The following QSOX2 variants were observed in gnomAD, a reference collection of about 807,000 sequenced individuals.
The protein encoded by QSOX2 is quiescin sulfhydryl oxidase 2, also known as sulfhydryl oxidase 2.
In QSOX2, 46 loss-of-function variants were observed where a neutral mutation model predicts 61.7. The ratio of observed to expected loss-of-function variants is 0.75; its 90% confidence interval spans 0.59 to 0.95. The LOEUF is 0.95. Ranked by LOEUF, QSOX2 falls within the 40% of genes least tolerant of loss-of-function variation. QSOX2 has a pLI of 0.00. For synonymous variants in QSOX2, 383 were observed against 388.4 expected, an observed-to-expected ratio of 0.99 and a Z score of 0.16; for missense variants, 879 against 918.9, an observed-to-expected ratio of 0.96 and a Z score of 0.56.
chr9:136,212,019 G>T (rs1013883307), intron 10 of QSOX2, among the ~76,000 whole-genome samples: 1 of 152,250 alleles, frequency 6.6e-6, no homozygotes, highest in East Asian at 1.9e-4. Context: ...AGCCACGGGC[G>T]TGAGGATGTG....
chr9:136,224,726 G>T, intron 3 of QSOX2, 135 bp downstream of exon 3: 2 of 541,608 alleles, frequency 3.7e-6, no homozygotes, highest in Non-Finnish European at 3.3e-6. Context: ...ACTCTTAAGG[G>T]AAAGCAGGCA....
chr9:136,208,906 C>T lies in QSOX2; in HGVS notation c.1919G>A (p.Gly640Glu), dbSNP rs982666194. The change falls in exon 12 of 12, where the codon GGG becomes GAG. Residue 640 changes from glycine to glutamate, a missense_variant. Transcript: ENST00000358701. ...GGCCCCGCCCACCTCCTTGTGGGCC[C>T]CGGGCCCATCCAGACTCTGGAGTTT... ...DGKLQSLDGP[G>E]AHKEVGGAAP... The T allele has an allele frequency of 6.2e-7, 1 of 1,613,962 alleles. No individual in the cohort carries two copies. The highest frequency in any genetic ancestry group is 1.7e-5 in the Admixed American group (1 of 60,028).
In QSOX2 at chr9:136,223,467, G is replaced by A. The variant is rs1237429029; in HGVS notation, c.675+296C>T. On this transcript the variant is annotated intron_variant, in intron 5 of 11. Coordinates refer to ENST00000358701, the MANE Select transcript of QSOX2 (RefSeq NM_181701.4). The surrounding 1 kb of genome is among the most constrained non-coding windows in gnomAD (Gnocchi z 4.4). ...TACAGAATGACCTCAAGGTGAGCTG[G>A]GCGTGTCATAAAAATGAGATCTTCT... is the stretch of plus-strand genomic sequence containing the variant. 1.3e-5 allele frequency among the ~76,000 whole-genome samples: 2 copies of A among 152,102 alleles called. No individual in the cohort carries two copies. The highest frequency in any genetic ancestry group is 2.9e-5 in the Non-Finnish European group (2 of 68,024).
At chr9:136,216,108 G>A (rs908661815) in intron 9 of QSOX2, among the ~76,000 whole-genome samples, 4 of 152,214 alleles carry the variant, frequency 2.6e-5, no homozygotes, top group Admixed American at 1.3e-4. Flanking sequence ...TTTACTGCCC[G>A]CGAGTAAACA....
chr9:136,212,221 A>G (rs901566346), intron 10 of QSOX2, among the ~76,000 whole-genome samples: 1 of 152,238 alleles, frequency 6.6e-6, no homozygotes, highest in Admixed American at 6.5e-5. Context: ...AACCCCTGAG[A>G]AAACCAAGGG....
In QSOX2 at chr9:136,223,915, C is replaced by T; in HGVS notation, c.585-62G>A. The T allele has an allele frequency of 6.4e-7, 1 of 1,557,002 alleles. No homozygotes were observed. The highest frequency in any genetic ancestry group is 8.9e-7 in the Non-Finnish European group (1 of 1,128,876). ...AACAGCAGCGAGTTGGCCACCACAT[C>T]CCAGTGGCCACATCACTTAATAGAA... is the stretch of plus-strand genomic sequence containing the variant. On this transcript the variant is annotated intron_variant, in intron 4 of 11. Transcript: ENST00000358701. The surrounding 1 kb of genome is among the most constrained non-coding windows in gnomAD (Gnocchi z 4.4).
At chr9:136,231,081 T>G (rs1830324891) in intron 1 of QSOX2, among the ~76,000 whole-genome samples, 1 of 152,238 alleles carries the variant, frequency 6.6e-6, no homozygotes, top group Non-Finnish European at 1.5e-5. Flanking sequence ...CCCTTTACAG[T>G]TGACAAAGCT....
Position 136,209,975 on chromosome 9 carries a change from C to T in QSOX2, c.1550-700G>A. On this transcript the variant is annotated intron_variant, in intron 11 of 11. Coordinates refer to ENST00000358701, the MANE Select transcript of QSOX2 (RefSeq NM_181701.4). The surrounding 1 kb of genome is among the most constrained non-coding windows in gnomAD (Gnocchi z 5.6). ...GCCCCTGCGACCCGACTTGCTGACACCTGGCCACCCTCACAGAGCTTCCAG... is the reference window on the plus strand; with the variant it reads ...GCCCCTGCGACCCGACTTGCTGACATCTGGCCACCCTCACAGAGCTTCCAG... 8 of 985,434 alleles carry T rather than the reference C, an allele frequency of 8.1e-6. No homozygotes were observed. The highest frequency in any genetic ancestry group is 9.6e-6 in the Non-Finnish European group (8 of 829,924). 61.0% of individuals were successfully genotyped at this position (985,434 alleles called of 1,614,324 possible). A position where few individuals can be genotyped will look rare whatever the true frequency, so the allele number is the denominator to read the frequency against.
chr9:136,235,261 G>C (rs982332984), intron 1 of QSOX2, among the ~76,000 whole-genome samples: 2 of 152,264 alleles, frequency 1.3e-5, no homozygotes, highest in African/African-American at 4.8e-5. Flanking sequence ...CCCCGGAGGA[G>C]GGCCAGGACC....
chr9:136,228,694 C>A (rs1471227995), intron 1 of QSOX2, among the ~76,000 whole-genome samples: 1 of 152,216 alleles, frequency 6.6e-6, no homozygotes, highest in East Asian at 1.9e-4. Flanking sequence ...AATGGACCTG[C>A]CTGGAGGAAT....
In QSOX2 at chr9:136,221,074, C is replaced by T. The variant is rs1831975108; in HGVS notation, c.821+722G>A. Among the ~76,000 whole-genome samples the T allele has an allele frequency of 6.7e-6, 1 of 149,664 alleles. No homozygotes were observed. Among genetic ancestry groups the T allele is most frequent in the Admixed American group, 6.7e-5 (1 of 15,014 alleles). On this transcript the variant is annotated intron_variant, in intron 6 of 11. Coordinates refer to ENST00000358701, the MANE Select transcript of QSOX2 (RefSeq NM_181701.4). This position sits in a 1 kb window ranked among gnomAD's most constrained non-coding sequence, Gnocchi z 4.5. ...CACGCAGAGGCAAAGGGCTTATCCT[C>T]ATGAGGGGCACACAGGCACTCCACA...
chr9:136,230,813 G>A (rs922639260), intron 1 of QSOX2, among the ~76,000 whole-genome samples: 2 of 152,112 alleles, frequency 1.3e-5, no homozygotes, highest in Non-Finnish European at 2.9e-5. Flanking sequence ...GCACTGCTCC[G>A]CTCACTTGTC....
rs943840318 is a variant in QSOX2 at position 136,207,763 on chromosome 9, A to C, written c.*965T>G. 6.6e-6 allele frequency: 1 copy of C among 152,220 alleles called. No individual in the cohort carries two copies. The highest frequency in any genetic ancestry group is 1.5e-5 in the Non-Finnish European group (1 of 68,086). 9.4% of individuals were successfully genotyped at this position (152,220 alleles called of 1,614,324 possible). A position where few individuals can be genotyped will look rare whatever the true frequency, so the allele number is the denominator to read the frequency against. ...AGCAGACGACAGGGGGGGCTTTAGA[A>C]GTCTCCCTGGGGCCTACGCTCCCAA... is the stretch of plus-strand genomic sequence containing the variant. On this transcript the variant is annotated 3_prime_UTR_variant, in exon 12 of 12. Transcript: ENST00000358701.
chr9:136,226,144 A>T (rs576665036), intron 2 of QSOX2, among the ~76,000 whole-genome samples: 3 of 152,366 alleles, frequency 2.0e-5, no homozygotes, highest in African/African-American at 7.2e-5. Flanking sequence ...AGTTTTACTC[A>T]AATTGACAAA....
In QSOX2 at chr9:136,211,587, G is replaced by A. The variant is rs577265586; in HGVS notation, c.1361-135C>T. 5.8e-5 allele frequency: 47 copies of A among 812,070 alleles called. 1 individual carries two copies. In the East Asian group the frequency reaches 1.3e-3, roughly 22 times the overall value. The allele number at this position is 812,070 out of a possible 1,614,324, so 50.3% of individuals were successfully genotyped here. On this transcript the variant is annotated intron_variant, in intron 10 of 11. Coordinates refer to ENST00000358701, the MANE Select transcript of QSOX2 (RefSeq NM_181701.4). ...CCTCATGTCTCCCCAGGGGCCTCAG[G>A]CTGTGGGCACAGACCAGAAGCCAGC...
chr9:136,232,084 G>A (rs1289353803), intron 1 of QSOX2, among the ~76,000 whole-genome samples: 2 of 152,192 alleles, frequency 1.3e-5, no homozygotes, highest in Non-Finnish European at 2.9e-5. Context: ...CCTGGAAACG[G>A]TGGCTTGAAG....
In QSOX2 at chr9:136,224,907, A is replaced by T; in HGVS notation, c.432T>A (p.Tyr144Ter). ...TAAACTCCTTTGTAAATGCTTTAAAATACTAAGAGGAAAAACACAGAACAA... is the reference window on the plus strand; with the variant it reads ...TAAACTCCTTTGTAAATGCTTTAAATTACTAAGAGGAAAAACACAGAACAA... The part of the protein sequence containing the change: ...YDIHFYPTFR[Y>*]FKAFTKEFTT... The change falls in exon 3 of 12, where the codon TAT becomes TAA. Residue 144 changes from tyrosine (Y) to a stop codon, truncating the protein, a stop_gained and splice_region_variant. Coordinates refer to ENST00000358701, the MANE Select transcript of QSOX2 (RefSeq NM_181701.4). LOFTEE classifies it high-confidence loss of function. The T allele has an allele frequency of 6.2e-7, 1 of 1,604,928 alleles. No homozygotes were observed. The highest frequency in any genetic ancestry group is 8.5e-7 in the Non-Finnish European group (1 of 1,174,874).
Position 136,218,665 on chromosome 9 carries a change from G to C in QSOX2, c.1086+14C>G. The C allele has an allele frequency of 6.2e-7, 1 of 1,612,174 alleles. No homozygotes were observed. Among genetic ancestry groups the C allele is most frequent in the Non-Finnish European group, 8.5e-7 (1 of 1,179,090 alleles). ...AAATTCCCACATGCAGCCCAGACCA[G>C]CACCGTCCCAAACCTTGGCCAAGAC... On this transcript the variant is annotated intron_variant, in intron 8 of 11. Transcript: ENST00000358701.
Position 136,211,354 on chromosome 9 carries a change from C to T in QSOX2, c.1459G>A (p.Ala487Thr), listed in dbSNP as rs1831841580. The T allele has an allele frequency of 1.2e-6, 2 of 1,614,212 alleles. No homozygotes were observed. The highest frequency in any genetic ancestry group is 1.7e-6 in the Non-Finnish European group (2 of 1,180,036). The change falls in exon 11 of 12, where the codon GCT becomes ACT. Residue 487 changes from alanine (A) to threonine (T), a missense_variant. By Grantham distance (58) the Ala-to-Thr change is moderately conservative (BLOSUM62 0). Coordinates refer to ENST00000358701, the MANE Select transcript of QSOX2 (RefSeq NM_181701.4). ...TTCACCGAGTCCATGGATTCTTTAGCCATTTCCTCAAAGTGCTCACCACAT... is the reference window on the plus strand; with the variant it reads ...TTCACCGAGTCCATGGATTCTTTAGTCATTTCCTCAAAGTGCTCACCACAT... Reference protein sequence around the residue: ...KECGEHFEEMAKESMDSVKTP... With the variant: ...KECGEHFEEMTKESMDSVKTP...
Sources: gnomAD v4.1 joint callset for allele counts (sites outside exome capture counted in the v4.1 genomes callset) on GRCh38, gnomAD v4.1.1 for gene constraint, Gnocchi (gnomAD v3.1) non-coding constraint, MANE v1.5 for transcripts, NCBI Gene and HGNC (gene_info 2026-07-23, HGNC 2026-07-21) for gene names.